The following WNT4 variants were observed in gnomAD, a reference collection of about 807,000 sequenced individuals.
WNT4 encodes the protein protein Wnt-4.
A neutral mutation model predicts 34.5 loss-of-function variants in WNT4; 16 were observed. The observed-to-expected ratio is 0.46, with a 90% CI of 0.31 to 0.70. The LOEUF is 0.70. Ranked by LOEUF, WNT4 falls within the 30% of genes least tolerant of loss-of-function variation. WNT4 has a pLI of 0.04. For missense variants in WNT4, 379 were observed against 495.9 expected (o/e 0.76, Z 2.24); for synonymous variants, 200 against 211.9 (o/e 0.94, Z 0.49).
chr1:22,142,774 G>C lies in WNT4; in HGVS notation c.77+72C>G, dbSNP rs1204289257. ...TGCCCCGCGCCCGCTGCCCCGCGCC[G>C]CCTGGCACCGGCCGCTGCCCCCGGG... On this transcript the variant is annotated intron_variant, in intron 1 of 4. Transcript: ENST00000290167. This position sits in a 1 kb window ranked among gnomAD's most constrained non-coding sequence, Gnocchi z 6.0. The C allele has an allele frequency of 1.0e-6, 1 of 968,054 alleles. No homozygotes were observed. Among genetic ancestry groups the C allele is most frequent in the Non-Finnish European group, 1.2e-6 (1 of 813,452 alleles). The allele number at this position is 968,054 out of a possible 1,614,324, so 60.0% of individuals were successfully genotyped here.
At position 22,142,757 on chromosome 1, in the gene WNT4, G is replaced by T; in HGVS notation, c.77+89C>A. 1 of 892,670 alleles carries T rather than the reference G, an allele frequency of 1.1e-6. No homozygotes were observed. The highest frequency in any genetic ancestry group is 1.3e-6 in the Non-Finnish European group (1 of 746,908). The allele number at this position is 892,670 out of a possible 1,614,324, so 55.3% of individuals were successfully genotyped here. ...CGAGACACCTGCCGGGCTGCCCCGC[G>T]CCCGCTGCCCCGCGCCGCCTGGCAC... On this transcript the variant is annotated intron_variant, in intron 1 of 4. Coordinates refer to ENST00000290167, the MANE Select transcript of WNT4 (RefSeq NM_030761.5). This position sits in a 1 kb window ranked among gnomAD's most constrained non-coding sequence, Gnocchi z 6.0.
chr1:22,125,698 G>A (rs1050559979), intron 2 of WNT4, among the ~76,000 whole-genome samples: 1 of 152,122 alleles, frequency 6.6e-6, no homozygotes, highest in Non-Finnish European at 1.5e-5. Flanking sequence ...GCTCAAGGTC[G>A]CAGAACGAGA....
rs35917567 is a variant in WNT4, at chr1:22,119,228, G to GTGTGTGTT, written c.*821_*822insAACACACA. On this transcript the variant is annotated 3_prime_UTR_variant, in exon 5 of 5. Coordinates refer to ENST00000290167, the MANE Select transcript of WNT4 (RefSeq NM_030761.5). Reference sequence around the variant, plus strand: ...TGTGTGTGTGTGTGTGTGTGTGTGTGTTTCAGTTTCATGGAGGAACAGCGC... The same window carrying GTGTGTGTT: ...TGTGTGTGTGTGTGTGTGTGTGTGTGTGTGTGTTTTTCAGTTTCATGGAGGAACAGCGC... 6,554 of 120,432 alleles carry GTGTGTGTT rather than the reference G, an allele frequency of 0.054. 405 individuals are homozygous for GTGTGTGTT. The highest frequency in any genetic ancestry group is 0.096 in the East Asian group (412 of 4,308). The allele number at this position is 120,432 out of a possible 1,614,324, so 7.5% of individuals were successfully genotyped here. A position where few individuals can be genotyped will look rare whatever the true frequency, so the allele number is the denominator to read the frequency against.
rs960984876 is a variant in WNT4 at position 22,137,607 on chromosome 1, C to G, written c.77+5239G>C. Reference sequence around the variant, plus strand: ...CGAGTTTCAACAGGTTTGGGGAGCACTGTCTTGTCAGATGCTTGCTGTGTT... The same window carrying G: ...CGAGTTTCAACAGGTTTGGGGAGCAGTGTCTTGTCAGATGCTTGCTGTGTT... On this transcript the variant is annotated intron_variant, in intron 1 of 4. Coordinates refer to ENST00000290167, the MANE Select transcript of WNT4 (RefSeq NM_030761.5). This position sits in a 1 kb window ranked among gnomAD's most constrained non-coding sequence, Gnocchi z 5.3. Among the ~76,000 whole-genome samples, 16 of 152,236 alleles carry G rather than the reference C, an allele frequency of 1.1e-4. No homozygotes were observed. The highest frequency in any genetic ancestry group is 3.9e-4 in the African/African-American group (16 of 41,466).
chr1:22,121,905 C>T (rs1456207469), intron 2 of WNT4, among the ~76,000 whole-genome samples: 1 of 152,192 alleles, frequency 6.6e-6, no homozygotes, highest in Non-Finnish European at 1.5e-5. Context: ...AGCAGACAGT[C>T]TGGCTTCAGA....
intron 2 of WNT4, among the ~76,000 whole-genome samples, chr1:22,129,283 C>G (rs1464519186): frequency 1.3e-5 from 2 of 152,186 alleles, no homozygotes; most frequent in Non-Finnish European, 2.9e-5. Context: ...TCAGTGGTGT[C>G]CCCTGCCTGA....
intron 1 of WNT4, among the ~76,000 whole-genome samples, chr1:22,135,817 C>T (rs1428912052): frequency 1.3e-5 from 2 of 152,190 alleles, no homozygotes; most frequent in Non-Finnish European, 2.9e-5. Flanking sequence ...AGGTGCATTT[C>T]CTCAGGCGGA....
chr1:22,123,682 G>T (rs1645919425), intron 2 of WNT4, among the ~76,000 whole-genome samples: 1 of 152,180 alleles, frequency 6.6e-6, no homozygotes, highest in East Asian at 1.9e-4. Context: ...AGGAAGTGGT[G>T]GAGCTAGAAT....
At position 22,121,438 on chromosome 1, in the gene WNT4, C is replaced by A; in HGVS notation, c.445+7G>T. On this transcript the variant is annotated splice_region_variant and intron_variant, in intron 3 of 4. Transcript: ENST00000290167. ...GCCCTCCCACTCTGACCACCTCCTGCACCTACCCTGTGGGCTGACCCCATG... is the reference window on the plus strand; with the variant it reads ...GCCCTCCCACTCTGACCACCTCCTGAACCTACCCTGTGGGCTGACCCCATG... 6.2e-7 allele frequency: 1 copy of A among 1,613,968 alleles called. No homozygotes were observed. Among genetic ancestry groups the A allele is most frequent in the Non-Finnish European group, 8.5e-7 (1 of 1,180,024 alleles).
rs550256074 is a variant in WNT4 at position 22,140,073 on chromosome 1, C to A, written c.77+2773G>T. 216 of 623,212 alleles carry A rather than the reference C, an allele frequency of 3.5e-4. 3 individuals carry two copies. The African/African-American group carries it at 3.8e-3, about 11-fold the overall frequency. The allele number at this position is 623,212 out of a possible 1,614,324, so 38.6% of individuals were successfully genotyped here. A position where few individuals can be genotyped will look rare whatever the true frequency, so the allele number is the denominator to read the frequency against. ...CTTCTGAGACAACAGATAGTCCTGG[C>A]TCTCGCCACTGGCCAGCAGACCCAC... On this transcript the variant is annotated intron_variant, in intron 1 of 4. Transcript: ENST00000290167. The surrounding 1 kb of genome is among the most constrained non-coding windows in gnomAD (Gnocchi z 5.9).
intron 1 of WNT4, among the ~76,000 whole-genome samples, chr1:22,135,222 C>A (rs1646012972): frequency 6.6e-6 from 1 of 152,190 alleles, no homozygotes; most frequent in Admixed American, 6.5e-5. Flanking sequence ...ATGCATGGGA[C>A]CTTCACTTAT....
Position 22,121,272 on chromosome 1 carries a change from C to T in WNT4, c.527G>A (p.Ser176Asn). 6.2e-7 allele frequency: 1 copy of T among 1,614,144 alleles called. No individual in the cohort carries two copies. The highest frequency in any genetic ancestry group is 8.5e-7 in the Non-Finnish European group (1 of 1,180,020). Residue 176 changes from serine (S) to asparagine (N), a missense_variant, in exon 4 of 5, where the codon AGC becomes AAC. Around this residue, in one of 2 missense-constraint regions of WNT4, gnomAD observed 313 missense variants for 445.8 expected, o/e 0.70. Transcript: ENST00000290167. ...SQSFVDVRER[S>N]KGASSSRALM... ...GGCTCTGCTGGACGAGGCCCCCTTG[C>T]TTCTCTCCCGCACATCCACAAACGA...
chr1:22,136,835 A>G (rs1292576240), intron 1 of WNT4, among the ~76,000 whole-genome samples: 1 of 151,478 alleles, frequency 6.6e-6, no homozygotes, highest in East Asian at 2.0e-4. Context: ...ATCCCCAAGA[A>G]CCCCCTCACA....
At chr1:22,135,825 G>A (rs917586142) in intron 1 of WNT4, among the ~76,000 whole-genome samples, 3 of 152,116 alleles carry the variant, frequency 2.0e-5, no homozygotes, top group African/African-American at 7.2e-5. Context: ...TTCCTCAGGC[G>A]GAGAGAGAGA....
intron 2 of WNT4, among the ~76,000 whole-genome samples, chr1:22,128,743 G>A (rs1195802035): frequency 2.7e-5 from 4 of 150,036 alleles, no homozygotes; most frequent in Admixed American, 6.6e-5. Flanking sequence ...TTTTTGAGAC[G>A]GAGTCTAGCT....
Position 22,140,064 on chromosome 1 carries a change from T to C in WNT4, c.77+2782A>G. ...CCACCTGCCCTTCTGAGACAACAGA[T>C]AGTCCTGGCTCTCGCCACTGGCCAG... is the stretch of plus-strand genomic sequence containing the variant. On this transcript the variant is annotated intron_variant, in intron 1 of 4. Coordinates refer to ENST00000290167, the MANE Select transcript of WNT4 (RefSeq NM_030761.5). The surrounding 1 kb of genome is among the most constrained non-coding windows in gnomAD (Gnocchi z 5.9). The C allele has an allele frequency of 5.6e-6, 3 of 533,222 alleles. No individual in the cohort carries two copies. The highest frequency in any genetic ancestry group is 7.2e-6 in the Non-Finnish European group (3 of 416,576). The allele number at this position is 533,222 out of a possible 1,614,324, so 33.0% of individuals were successfully genotyped here.
intron 2 of WNT4, among the ~76,000 whole-genome samples, chr1:22,126,312 T>G (rs1406266896): frequency 6.6e-6 from 1 of 152,130 alleles, no homozygotes; most frequent in Non-Finnish European, 1.5e-5. Flanking sequence ...GGGGGTCAGT[T>G]AGCTCTTCCT....
intron 2 of WNT4, among the ~76,000 whole-genome samples, chr1:22,122,301 C>T (rs966032522): frequency 1.3e-5 from 2 of 152,112 alleles, no homozygotes; most frequent in African/African-American, 4.8e-5. Context: ...ATTTTATAGA[C>T]GGAGAAATGG....
rs1258069564 is a variant in WNT4 at position 22,139,806 on chromosome 1, T to A, written c.77+3040A>T. Among the ~76,000 whole-genome samples, 1 of 152,148 alleles carries A rather than the reference T, an allele frequency of 6.6e-6. No individual in the cohort carries two copies. Among genetic ancestry groups the A allele is most frequent in the African/African-American group, 2.4e-5 (1 of 41,428 alleles). ...AGCTCAGGTCCGTGGCAGGGCAGCC[T>A]CCTTAAGGGCAGAGTCCCAGCCTTC... On this transcript the variant is annotated intron_variant, in intron 1 of 4. Transcript: ENST00000290167. This position sits in a 1 kb window ranked among gnomAD's most constrained non-coding sequence, Gnocchi z 4.6.
Sources: gnomAD v4.1 joint callset for allele counts (sites outside exome capture counted in the v4.1 genomes callset) on GRCh38, gnomAD v4.1.1 for gene constraint, gnomAD v4.1.1 regional missense constraint, Gnocchi (gnomAD v3.1) non-coding constraint, MANE v1.5 for transcripts, NCBI Gene and HGNC (gene_info 2026-07-23, HGNC 2026-07-21) for gene names.